The following PDXDC1 variants were observed in gnomAD, a reference collection of about 807,000 sequenced individuals.
PDXDC1 encodes the protein pyridoxal-dependent decarboxylase domain-containing protein 1.
Under a neutral mutation model 100.1 loss-of-function variants are expected in PDXDC1, and 42 were observed. The observed-to-expected ratio is 0.42, with a 90% CI of 0.33 to 0.54. The LOEUF (loss-of-function observed/expected upper bound fraction) is 0.54. Ranked by LOEUF, PDXDC1 falls within the 20% of genes least tolerant of loss-of-function variation. PDXDC1 has a pLI of 0.10. For synonymous variants in PDXDC1, 260 were observed against 371.7 expected, an observed-to-expected ratio of 0.70 and a Z score of 3.46; for missense variants, 636 against 979.2, an observed-to-expected ratio of 0.65 and a Z score of 4.68.
chr16:15,036,053 T>G lies in PDXDC1; in HGVS notation c.2145T>G (p.Asp715Glu). 1 of 1,614,172 alleles carries G rather than the reference T, an allele frequency of 6.2e-7. No homozygotes were observed. Residue 715 changes from aspartate to glutamate, a missense_variant, in exon 23 of 23, where the codon GAT becomes GAG. By Grantham distance (45) the Asp-to-Glu change is conservative (BLOSUM62 2). Coordinates refer to ENST00000396410, the MANE Select transcript of PDXDC1 (RefSeq NM_015027.4). Reference sequence around the variant, plus strand: ...TTAAAAGGTCCCTGCGAGGTTCAGATGCTTTGAGTGAGACCAGCTCAGTCA... The same window carrying G: ...TTAAAAGGTCCCTGCGAGGTTCAGAGGCTTTGAGTGAGACCAGCTCAGTCA... ...KPFKRSLRGS[D>E]ALSETSSVSH...
chr16:15,022,300 C>T (rs2278014), intron 12 of PDXDC1, among the ~76,000 whole-genome samples: 35,519 of 146,680 alleles, frequency 0.24, 1,765 homozygotes, highest in East Asian at 0.45. Flanking sequence ...ATTGACTTAT[C>T]CGTGGTCCTG....
chr16:15,074,991 T>C (rs770975509), intron 16 of PDXDC1: 10 of 927,552 alleles, frequency 1.1e-5, no homozygotes, highest in Non-Finnish European at 1.6e-5. Flanking sequence ...GGCTCACATC[T>C]ATAAGCCCAG....
intron 16 of PDXDC1, among the ~76,000 whole-genome samples, chr16:15,053,727 A>G (rs2044385628): frequency 6.6e-6 from 1 of 152,140 alleles, no homozygotes; most frequent in Non-Finnish European, 1.5e-5. Context: ...CCTGGCCAAC[A>G]TGGTGAAAAC....
At chr16:15,127,555 G>C in intron 16 of PDXDC1, 1 of 1,293,480 alleles carries the variant, frequency 7.7e-7, no homozygotes, top group Non-Finnish European at 1.1e-6. Flanking sequence ...AACAGCGACT[G>C]TGTCGACGCT....
In PDXDC1 at chr16:15,033,439, T is replaced by C. The variant is rs373505539; in HGVS notation, c.1812+40T>C. 6.9e-6 allele frequency: 11 copies of C among 1,603,112 alleles called. No individual in the cohort carries two copies. The African/African-American group carries it at 1.3e-4, about 19-fold the overall frequency. ...TCAGTGTTCATTCCTCTTCTGAGTT[T>C]TGTCCCACCAAACAGCAGGGGCCAC... On this transcript the variant is annotated intron_variant, in intron 19 of 22. Transcript: ENST00000396410.
At chr16:14,997,160 A>G (rs1159939694) in intron 1 of PDXDC1, among the ~76,000 whole-genome samples, 2 of 152,232 alleles carry the variant, frequency 1.3e-5, no homozygotes, top group Non-Finnish European at 2.9e-5. Context: ...TGAAAAAATT[A>G]TAATTCTGCA....
chr16:15,105,239 A>T (rs1185379478), intron 16 of PDXDC1, among the ~76,000 whole-genome samples: 3 of 124,134 alleles, frequency 2.4e-5, no homozygotes, highest in African/African-American at 9.0e-5. Context: ...CAGGCCCTTT[A>T]TGTTCTGTCT....
intron 16 of PDXDC1, chr16:15,068,252 A>C: frequency 6.3e-7 from 1 of 1,583,054 alleles, no homozygotes; most frequent in Non-Finnish European, 8.6e-7. Context: ...TCCGCTCAAA[A>C]TTCAGACTCT....
intron 19 of PDXDC1, 58 bp downstream of exon 19, chr16:15,033,457 G>A (rs999484154): frequency 1.3e-6 from 2 of 1,578,594 alleles, no homozygotes; most frequent in African/African-American, 2.7e-5. Context: ...CCAAACAGCA[G>A]GGGCCACGAG....
rs1347323194 is a variant in PDXDC1 at position 15,109,709 on chromosome 16, G to A, written c.1400-29170G>A. Among the ~76,000 whole-genome samples the A allele has an allele frequency of 1.1e-3, 126 of 112,958 alleles. 3 individuals carry two copies. Among genetic ancestry groups the A allele is most frequent in the Non-Finnish European group, 1.6e-3 (93 of 58,676 alleles). 74.1% of individuals were successfully genotyped at this position (112,958 alleles called of 152,430 possible). On this transcript the variant is annotated intron_variant, in intron 16 of 16. Coordinates refer to the PDXDC1 transcript ENST00000535621. ...AAAAAAAAAAAAAAAAAAATTGGCC[G>A]AATGTGGCGGCACACACCTGTAATC...
rs1217725116 is a variant in PDXDC1 at position 15,083,590 on chromosome 16, T to TA, written c.1399+53540dup. 6 of 1,595,374 alleles carry TA rather than the reference T, an allele frequency of 3.8e-6. No individual in the cohort carries two copies. In the African/African-American group the frequency reaches 8.1e-5, roughly 22 times the overall value. On this transcript the variant is annotated intron_variant, in intron 16 of 16. Coordinates refer to the PDXDC1 transcript ENST00000535621. The stretch of plus-strand genomic sequence containing the variant: ...ATGAGAAACCACGGTGTCCTATTTT[T>TA]AAAAAATTAAATCAATCCATGTTAA...
At chr16:15,018,493 A>T (rs1159412228) in intron 11 of PDXDC1, among the ~76,000 whole-genome samples, 1 of 152,284 alleles carries the variant, frequency 6.6e-6, no homozygotes, top group Non-Finnish European at 1.5e-5. Context: ...CTGCTAAAAC[A>T]CTGCTGTCTT....
chr16:15,134,005 C>T (rs1184644880), intron 16 of PDXDC1: 38 of 1,419,546 alleles, frequency 2.7e-5, no homozygotes, highest in Non-Finnish European at 3.1e-5. Flanking sequence ...CACATGCCTG[C>T]GCTGCCCGTG....
chr16:15,130,765 GCTCGGGTT>G, intron 16 of PDXDC1: 1 of 1,261,992 alleles, frequency 7.9e-7, no homozygotes, highest in South Asian at 1.2e-5. Context: ...GCCAGGTAGG[GCTCGGGTT>G]CCTCAGACAG....
chr16:15,029,624 C>T (rs2042902695), intron 15 of PDXDC1: 1 of 497,660 alleles, frequency 2.0e-6, no homozygotes, highest in Non-Finnish European at 3.4e-6. Context: ...AACTACAACT[C>T]CCTGCCCGCC....
chr16:15,086,833 A>G (rs1179703607), intron 16 of PDXDC1, among the ~76,000 whole-genome samples: 1 of 152,200 alleles, frequency 6.6e-6, no homozygotes, highest in Non-Finnish European at 1.5e-5. Flanking sequence ...TATTTCCTCT[A>G]TATTCAAGCT....
At chr16:15,009,246 C>G (rs2041055248) in intron 7 of PDXDC1, 1 of 348,710 alleles carries the variant, frequency 2.9e-6, no homozygotes, top group South Asian at 6.8e-5. Flanking sequence ...TTCAGACATG[C>G]AGGTGATAAA....
intron 16 of PDXDC1, chr16:15,045,826 A>G (rs1392600410): frequency 6.6e-6 from 1 of 152,266 alleles, no homozygotes; most frequent in Non-Finnish European, 1.5e-5. Context: ...GTGTTGCCAG[A>G]CTTTACGCTG....
At chr16:15,055,972 C>T (rs991998119) in intron 16 of PDXDC1, 5 of 1,222,368 alleles carry the variant, frequency 4.1e-6, no homozygotes, top group Non-Finnish European at 5.1e-6. Flanking sequence ...GCAGCGGCAT[C>T]GCGGAGGCGG....
Sources: allele counts gnomAD v4.1 joint callset (sites outside exome capture counted in the v4.1 genomes callset), GRCh38; gene constraint gnomAD v4.1.1; transcripts MANE v1.5; gene names NCBI Gene and HGNC (gene_info 2026-07-23, HGNC 2026-07-21).